The following GMDS variants were observed in gnomAD, a reference collection of about 807,000 sequenced individuals.
GMDS encodes the protein GDP-mannose 4,6-dehydratase, also known as GDP-mannose 4,6 dehydratase.
Under a neutral mutation model 49.9 loss-of-function variants are expected in GMDS, and 20 were observed. That is an observed-to-expected ratio of 0.40 (90% CI 0.28 to 0.58). GMDS has a LOEUF of 0.58. Ranked by LOEUF, GMDS falls within the 20% of genes least tolerant of loss-of-function variation. GMDS has a pLI of 0.42. For missense variants in GMDS, 362 were observed against 481.4 expected (o/e 0.75, Z 2.32); for synonymous variants, 177 against 178.6 (o/e 0.99, Z 0.07).
intron 1 of GMDS, among the ~76,000 whole-genome samples, chr6:2,126,631 T>TTTC (rs989105669): frequency 1.3e-5 from 2 of 151,812 alleles, no homozygotes; most frequent in African/African-American, 4.8e-5. Flanking sequence ...TAGAGCAGAT[T>TTTC]TTCTTCTTCT....
chr6:1,840,474 T>G (rs1468069154), intron 7 of GMDS, among the ~76,000 whole-genome samples: 1 of 152,200 alleles, frequency 6.6e-6, no homozygotes, highest in African/African-American at 2.4e-5. Flanking sequence ...AAGAAGAATG[T>G]TACTGGAAGT....
At chr6:1,827,479 G>A (rs1213671490) in intron 7 of GMDS, among the ~76,000 whole-genome samples, 1 of 149,702 alleles carries the variant, frequency 6.7e-6, no homozygotes, top group African/African-American at 2.5e-5. Flanking sequence ...ATATACACAC[G>A]TTTTGGAAAA....
At chr6:1,849,216 A>AT (rs1757547641) in intron 7 of GMDS, among the ~76,000 whole-genome samples, 1 of 152,264 alleles carries the variant, frequency 6.6e-6, no homozygotes, top group Non-Finnish European at 1.5e-5. Context: ...TCTATTATGT[A>AT]TAAGGCACAC....
chr6:2,194,871 A>T (rs1779213870), intron 1 of GMDS, among the ~76,000 whole-genome samples: 1 of 152,256 alleles, frequency 6.6e-6, no homozygotes, highest in African/African-American at 2.4e-5. Context: ...ACTGAACATT[A>T]TCAAGACTTT....
chr6:1,895,728 T>C (rs893974483), intron 7 of GMDS, among the ~76,000 whole-genome samples: 1 of 152,224 alleles, frequency 6.6e-6, no homozygotes, highest in Admixed American at 6.5e-5. Flanking sequence ...CCCTGTCAGT[T>C]TGAAACTAGT....
chr6:2,040,166 G>A (rs553412189), intron 4 of GMDS, among the ~76,000 whole-genome samples: 16 of 152,304 alleles, frequency 1.1e-4, no homozygotes, highest in African/African-American at 3.8e-4. Context: ...AAGTGAGAGA[G>A]CACACCAGAC....
chr6:1,762,328 A>G (rs1488866798), intron 7 of GMDS, among the ~76,000 whole-genome samples: 1 of 152,220 alleles, frequency 6.6e-6, no homozygotes, highest in Admixed American at 6.5e-5. Flanking sequence ...GCCCTTTCAG[A>G]GAGGCATGGG....
At chr6:2,067,794 G>C (rs1771711780) in intron 4 of GMDS, among the ~76,000 whole-genome samples, 1 of 152,100 alleles carries the variant, frequency 6.6e-6, no homozygotes, top group Non-Finnish European at 1.5e-5. Flanking sequence ...ACCAAAAAGT[G>C]TCCAGGACCA....
At chr6:2,010,005 A>G (rs908929351) in intron 4 of GMDS, among the ~76,000 whole-genome samples, 3 of 152,110 alleles carry the variant, frequency 2.0e-5, no homozygotes, top group Non-Finnish European at 4.4e-5. Context: ...AACCCAACGA[A>G]CCCTGAGCAG....
intron 1 of GMDS, among the ~76,000 whole-genome samples, chr6:2,188,001 A>G (rs1048597761): frequency 1.3e-5 from 2 of 152,228 alleles, no homozygotes; most frequent in Non-Finnish European, 2.9e-5. Context: ...CAGAGCATTC[A>G]GCTTAGGATG....
At chr6:2,234,986 G>A (rs913411087) in intron 1 of GMDS, among the ~76,000 whole-genome samples, 9 of 152,174 alleles carry the variant, frequency 5.9e-5, no homozygotes, top group Non-Finnish European at 1.3e-4. Flanking sequence ...TTAGCCGGGC[G>A]TGGTGGCACA....
chr6:1,888,121 T>A (rs1219163242), intron 7 of GMDS, among the ~76,000 whole-genome samples: 1 of 110,056 alleles, frequency 9.1e-6, no homozygotes, highest in African/African-American at 2.7e-5. Context: ...GCTATTTTTT[T>A]ATTATTATTA....
In GMDS at chr6:1,624,217, C is replaced by T. The variant is rs1043056642; in HGVS notation, c.1071G>A (p.Glu357=). 2 of 1,611,174 alleles carry T rather than the reference C, an allele frequency of 1.2e-6. No homozygotes were observed. Among genetic ancestry groups the T allele is most frequent in the African/African-American group, 2.7e-5 (2 of 74,924 alleles). Reference sequence around the variant, plus strand: ...TGAGCTCCACGTCGGCGTGCACCATCTCCCTCACCAGCTCCTGCAACACAG... The same window carrying T: ...TGAGCTCCACGTCGGCGTGCACCATTTCCCTCACCAGCTCCTGCAACACAG... ...PRVAFDELVR[E]MVHADVELMR... The change falls in exon 11 of 11, where the codon GAG becomes GAA. Residue 357 remains glutamate, a synonymous_variant. Coordinates refer to ENST00000380815, the MANE Select transcript of GMDS (RefSeq NM_001500.4).
chr6:1,910,399 C>T (rs1760991330), intron 7 of GMDS, among the ~76,000 whole-genome samples: 1 of 151,704 alleles, frequency 6.6e-6, no homozygotes, highest in South Asian at 2.1e-4. Context: ...AAATCATAAT[C>T]TGTGTCACAG....
intron 4 of GMDS, among the ~76,000 whole-genome samples, chr6:1,998,243 C>A (rs1766418691): frequency 6.6e-6 from 1 of 152,086 alleles, no homozygotes; most frequent in Non-Finnish European, 1.5e-5. Context: ...AATCATCAAC[C>A]TAACGAAAAA....
intron 7 of GMDS, among the ~76,000 whole-genome samples, chr6:1,817,508 T>C (rs1358692447): frequency 6.6e-6 from 1 of 152,222 alleles, no homozygotes; most frequent in African/African-American, 2.4e-5. Context: ...GATATAAATA[T>C]CTAGGAATAT....
chr6:2,186,422 G>A (rs1030711614), intron 1 of GMDS, among the ~76,000 whole-genome samples: 3 of 152,048 alleles, frequency 2.0e-5, no homozygotes, highest in Non-Finnish European at 2.9e-5. Flanking sequence ...TAAGGCAAAG[G>A]GCACTATTTA....
chr6:1,910,945 A>G (rs1455733710), intron 7 of GMDS, among the ~76,000 whole-genome samples: 2 of 152,206 alleles, frequency 1.3e-5, no homozygotes, highest in African/African-American at 4.8e-5. Flanking sequence ...AGCTCTGGAG[A>G]CAGGGCAATT....
chr6:2,053,502 T>A (rs1342157177), intron 4 of GMDS, among the ~76,000 whole-genome samples: 2 of 152,072 alleles, frequency 1.3e-5, no homozygotes, highest in Non-Finnish European at 2.9e-5. Context: ...TTAAACAAAT[T>A]AGCAAGTATA....
Sources: allele counts gnomAD v4.1 joint callset (sites outside exome capture counted in the v4.1 genomes callset), GRCh38; gene constraint gnomAD v4.1.1; transcripts MANE v1.5; gene names NCBI Gene and HGNC (gene_info 2026-07-23, HGNC 2026-07-21).